The following MST1R variants were observed in gnomAD, a reference collection of about 807,000 sequenced individuals.
MST1R encodes macrophage stimulating 1 receptor, also known as macrophage-stimulating protein receptor.
A neutral mutation model predicts 117.8 loss-of-function variants in MST1R; 99 were observed. The observed-to-expected ratio is 0.84, with a 90% CI of 0.71 to 0.99. MST1R has a LOEUF of 0.99. Ranked by LOEUF, MST1R falls within the 50% of genes least tolerant of loss-of-function variation. MST1R has a pLI of 0.00. For missense variants in MST1R, 1,683 were observed against 1,840.2 expected (o/e 0.91, Z 1.56); for synonymous variants, 734 against 765.3 (o/e 0.96, Z 0.68).
chr3:49,892,828 C>G (rs1186586510), intron 14 of MST1R, among the ~76,000 whole-genome samples: 1 of 149,852 alleles, frequency 6.7e-6, no homozygotes, highest in Non-Finnish European at 1.5e-5. Context: ...GTGGCAGTGG[C>G]AGGCCCCTGT....
chr3:49,897,462 C>T (rs763342896), intron 6 of MST1R, 46 bp from the exon 7 acceptor site: 13 of 1,609,216 alleles, frequency 8.1e-6, no homozygotes, highest in Non-Finnish European at 7.6e-6. Flanking sequence ...CACTCCAAGC[C>T]CCTCCCTTCC....
At chr3:49,890,145 C>A in intron 18 of MST1R, 85 bp from the exon 19 acceptor site, 1 of 1,491,134 alleles carries the variant, frequency 6.7e-7, no homozygotes, top group Non-Finnish European at 9.0e-7. Flanking sequence ...CTCCCAGAGT[C>A]CTTCAGCTGG....
chr3:49,895,635 G>C (rs1199704428), intron 12 of MST1R, 80 bp downstream of exon 12: 3 of 1,610,630 alleles, frequency 1.9e-6, no homozygotes, highest in Non-Finnish European at 2.5e-6. Context: ...CTAAGTCCTG[G>C]GCAGAGAGAG....
intron 17 of MST1R, among the ~76,000 whole-genome samples, chr3:49,890,892 A>G (rs1366235872): frequency 6.6e-6 from 1 of 152,016 alleles, no homozygotes; most frequent in East Asian, 1.9e-4. Flanking sequence ...CGCCTGGCTA[A>G]TCTTTTTGTA....
rs781483280 is a variant in MST1R at position 49,903,295 on chromosome 3, T to A, written c.315A>T (p.Ala105=). ...GGCCGTGGGGTCCTGGGCCACAGGC[T>A]GCACACGTCTGGCAGCCAGGGTCTC... ...PAGDPGCQTC[A]ACGPGPHGPP... is the part of the protein sequence containing the mutation. The change falls in exon 1 of 20, where the codon GCA becomes GCT. Residue 105 remains alanine (A), a synonymous_variant. Transcript: ENST00000296474. 6.2e-7 allele frequency: 1 copy of A among 1,612,210 alleles called. No homozygotes were observed. The highest frequency in any genetic ancestry group is 8.5e-7 in the Non-Finnish European group (1 of 1,179,942).
intron 14 of MST1R, 127 bp downstream of exon 14, chr3:49,895,040 T>C (rs1180177033): frequency 1.1e-5 from 10 of 911,110 alleles, no homozygotes; most frequent in Middle Eastern, 3.3e-4. Context: ...CTCGATCTCC[T>C]GACCTCATGA....
intron 1 of MST1R, 60 bp from the exon 2 acceptor site, chr3:49,899,323 G>A: frequency 1.3e-6 from 2 of 1,586,370 alleles, no homozygotes; most frequent in Non-Finnish European, 1.7e-6. Flanking sequence ...GACCCTCTGG[G>A]GCCTTTGTCA....
chr3:49,896,597 A>C lies in MST1R; in HGVS notation c.2382T>G (p.Thr794=). 1 of 1,614,160 alleles carries C rather than the reference A, an allele frequency of 6.2e-7. No individual in the cohort carries two copies. The highest frequency in any genetic ancestry group is 8.5e-7 in the Non-Finnish European group (1 of 1,180,018). ...ATGACAGCACTAAGTGCCATGCTGA[A>C]GTTAGATGCTGGCCACAGATGGTGA... The part of the protein sequence containing the change: ...SHITICGQHL[T]SAWHLVLSFH... The change falls in exon 9 of 20, where the codon ACT becomes ACG. Residue 794 remains threonine (T), a synonymous_variant. Coordinates refer to ENST00000296474, the MANE Select transcript of MST1R (RefSeq NM_002447.4).
intron 14 of MST1R, among the ~76,000 whole-genome samples, chr3:49,893,980 G>A (rs543810646): frequency 2.7e-5 from 4 of 149,436 alleles, no homozygotes; most frequent in African/African-American, 9.8e-5. Context: ...TTGGGAGGCT[G>A]AGGCGGGCGG....
At chr3:49,899,781 C>A (rs990352179) in intron 1 of MST1R, among the ~76,000 whole-genome samples, 7 of 151,886 alleles carry the variant, frequency 4.6e-5, no homozygotes, top group Non-Finnish European at 1.0e-4. Flanking sequence ...ACGATGTTGG[C>A]CAGGCTGGTC....
intron 12 of MST1R, 22 bp from the exon 13 acceptor site, chr3:49,895,570 T>G (rs1158580603): frequency 1.2e-6 from 2 of 1,613,522 alleles, no homozygotes; most frequent in Admixed American, 1.7e-5. Context: ...GAATCCTTGG[T>G]GGCTTGGCTT....
intron 19 of MST1R, among the ~76,000 whole-genome samples, chr3:49,889,412 T>C (rs2082249414): frequency 6.6e-6 from 1 of 152,172 alleles, no homozygotes; most frequent in African/African-American, 2.4e-5. Context: ...CCAGCAGACC[T>C]AGCCACAGCT....
In MST1R at chr3:49,902,639, G is replaced by C. The variant is rs2082720173; in HGVS notation, c.971C>G (p.Ala324Gly). Residue 324 changes from alanine (A) to glycine (G), a missense_variant, in exon 1 of 20, where the codon GCC becomes GGC. Ala to Gly is a moderately conservative substitution (Grantham distance 60, BLOSUM62 0). Coordinates refer to ENST00000296474, the MANE Select transcript of MST1R (RefSeq NM_002447.4). ...GGQPYPVLRVAHSAPVGAQLA... is the reference protein window; with the variant it reads ...GGQPYPVLRVGHSAPVGAQLA... ...TTGGGCACCCACTGGAGCGGAGTGG[G>C]CCACCCGCAGCACAGGGTAGGGCTG... 6.2e-7 allele frequency: 1 copy of C among 1,613,470 alleles called. No homozygotes were observed.
Position 49,898,696 on chromosome 3 carries a change from T to C in MST1R, c.1549-8A>G, listed in dbSNP as rs1559479664. 2.5e-6 allele frequency: 4 copies of C among 1,613,458 alleles called. No homozygotes were observed. Among genetic ancestry groups the C allele is most frequent in the Non-Finnish European group, 3.4e-6 (4 of 1,179,792 alleles). ...GATAGGTACCTGGAAAACCTGTGGGTGAAAGACAGGTGACTCAGGGGTGCC... is the reference window on the plus strand; with the variant it reads ...GATAGGTACCTGGAAAACCTGTGGGCGAAAGACAGGTGACTCAGGGGTGCC... On this transcript the variant is annotated splice_region_variant and splice_polypyrimidine_tract_variant and intron_variant, in intron 3 of 19. Coordinates refer to ENST00000296474, the MANE Select transcript of MST1R (RefSeq NM_002447.4).
intron 14 of MST1R, among the ~76,000 whole-genome samples, chr3:49,893,306 A>AATAAATAAATAT (rs1328666541): frequency 6.9e-6 from 1 of 144,928 alleles, no homozygotes; most frequent in African/African-American, 2.6e-5. Context: ...TAAATAAATA[A>AATAAATAAATAT]ATAAATAAAT....
At chr3:49,899,466 G>T in intron 1 of MST1R, 1 of 573,958 alleles carries the variant, frequency 1.7e-6, no homozygotes, top group Non-Finnish European at 3.1e-6. Flanking sequence ...GGCCCAGGCT[G>T]GAAGGTCCAC....
chr3:49,899,059 G>A lies in MST1R; in HGVS notation c.1419+16C>T, dbSNP rs2082579286. 2 of 1,613,992 alleles carry A rather than the reference G, an allele frequency of 1.2e-6. No individual in the cohort carries two copies. Among genetic ancestry groups the A allele is most frequent in the Non-Finnish European group, 1.7e-6 (2 of 1,180,048 alleles). ...CAAGGACCCAGGGCTAGGGGACTGT[G>A]GGGATGAGGACCCACCTGCAGGATA... On this transcript the variant is annotated intron_variant, in intron 2 of 19. Transcript: ENST00000296474.
rs754281140 is a variant in MST1R at position 49,895,823 on chromosome 3, C to G, written c.2854G>C (p.Gly952Arg). The change falls in exon 12 of 20, where the codon GGG (glycine) becomes CGG (arginine). Residue 952 changes from glycine to arginine, a missense_variant. Gly to Arg is a moderately radical substitution (Grantham distance 125). Transcript: ENST00000296474. ...CCAAGGAGCGTGCTCTGTGGGACCC[C>G]ATCTGGCCCTGGCCGCACCACTCTA... Reference protein sequence around the residue: ...LGRVVRPGPDGVPQSTLLGIL... With the variant: ...LGRVVRPGPDRVPQSTLLGIL... The G allele has an allele frequency of 1.2e-6, 2 of 1,613,908 alleles. No homozygotes were observed. The highest frequency in any genetic ancestry group is 2.2e-5 in the South Asian group (2 of 91,070).
chr3:49,903,084 C>A lies in MST1R; in HGVS notation c.526G>T (p.Asp176Tyr), dbSNP rs151106960. The change falls in exon 1 of 20, where the codon GAC becomes TAC. Residue 176 changes from aspartate to tyrosine, a missense_variant. Transcript: ENST00000296474. The stretch of plus-strand genomic sequence containing the variant: ...GTGCCCAATGGGCTGGCCACACAGT[C>A]GGGGCAGTCATCGGGCCGGTTATGG... ...AHHNRPDDCP[D>Y]CVASPLGTRV... 3.7e-6 allele frequency: 6 copies of A among 1,607,888 alleles called. No homozygotes were observed. The highest frequency in any genetic ancestry group is 5.1e-6 in the Non-Finnish European group (6 of 1,180,002).
Sources: allele counts gnomAD v4.1 joint callset (sites outside exome capture counted in the v4.1 genomes callset), GRCh38; gene constraint gnomAD v4.1.1; transcripts MANE v1.5; gene names NCBI Gene and HGNC (gene_info 2026-07-23, HGNC 2026-07-21).